AKAP6: variants seen among roughly 807,000 people sequenced by gnomAD.
The protein encoded by AKAP6 is A-kinase anchoring protein 6.
AKAP6 carries 58 observed loss-of-function variants against 188.5 expected under a neutral mutation model. The ratio of observed to expected loss-of-function variants is 0.31; its 90% CI spans 0.25 to 0.38. The LOEUF is 0.38. Among genes scored for constraint, AKAP6 ranks in the 10% least tolerant of loss-of-function variants. The pLI, the probability that AKAP6 is intolerant of heterozygous loss-of-function variation, is 1.00. For missense variants in AKAP6, 2,710 were observed against 2,740.0 expected (o/e 0.99, Z 0.24); for synonymous variants, 989 against 998.6 (o/e 0.99, Z 0.18).
intron 8 of AKAP6, among the ~76,000 whole-genome samples, chr14:32,692,271 A>G (rs951466414): frequency 2.0e-5 from 3 of 152,210 alleles, no homozygotes; most frequent in Non-Finnish European, 2.9e-5. Flanking sequence ...ATAGAAGGAA[A>G]CAGTTCAATA....
intron 12 of AKAP6, among the ~76,000 whole-genome samples, chr14:32,786,296 A>ATGGTTTTTTTTTTTTTTT: frequency 2.1e-5 from 2 of 93,704 alleles, no homozygotes; most frequent in African/African-American, 8.2e-5. Flanking sequence ...CTAAACCTTT[A>ATGGTTTTTTTTTTTTTTT]TCTTTTTTTT....
At position 32,765,728 on chromosome 14, in the gene AKAP6, A is replaced by C. The variant is rs921252780; in HGVS notation, c.3373-7950A>C. Among the ~76,000 whole-genome samples, 3 of 149,604 alleles carry C rather than the reference A, an allele frequency of 2.0e-5. No homozygotes were observed. The South Asian group carries it at 6.3e-4, about 31-fold the overall frequency. On this transcript the variant is annotated intron_variant, in intron 11 of 13. Transcript: ENST00000280979. ...TAACTTAAAAAAAAAAAAAAAACCT[A>C]CAAGTTTGCATTGGTAAATTAATCC...
intron 2 of AKAP6, among the ~76,000 whole-genome samples, chr14:32,530,084 C>T (rs1027417694): frequency 6.8e-5 from 10 of 148,010 alleles, no homozygotes; most frequent in South Asian, 2.1e-4. Context: ...TGGAGTACAG[C>T]GGTACGATCA....
At chr14:32,570,124 CTT>C (rs60851991) in intron 4 of AKAP6, among the ~76,000 whole-genome samples, 17 of 74,846 alleles carry the variant, frequency 2.3e-4, no homozygotes, top group African/African-American at 7.3e-4. Flanking sequence ...TGTGTGGGAA[CTT>C]TTTTTTTTTT....
intron 4 of AKAP6, among the ~76,000 whole-genome samples, chr14:32,576,850 C>T (rs1005335791): frequency 9.9e-5 from 15 of 152,100 alleles, no homozygotes; most frequent in Admixed American, 6.6e-4. Flanking sequence ...TACAGTGACA[C>T]CCCACAATCC....
chr14:32,723,480 T>C (rs975036423), intron 9 of AKAP6, among the ~76,000 whole-genome samples: 12 of 152,158 alleles, frequency 7.9e-5, no homozygotes, highest in African/African-American at 2.9e-4. Context: ...GTTTGATCTG[T>C]GTAGTGTTAA....
At chr14:32,764,675 A>T (rs752855844) in intron 11 of AKAP6, among the ~76,000 whole-genome samples, 3 of 146,040 alleles carry the variant, frequency 2.1e-5, no homozygotes, top group Non-Finnish European at 4.5e-5. Context: ...CTCGTTTGTC[A>T]AATAGATAGA....
intron 8 of AKAP6, among the ~76,000 whole-genome samples, chr14:32,691,624 C>T (rs1392715568): frequency 1.3e-5 from 2 of 151,902 alleles, no homozygotes; most frequent in African/African-American, 4.8e-5. Context: ...AATGCCATGA[C>T]CTCAGCTCAC....
At chr14:32,510,436 G>GTATATATATGTATATATATACATATATA (rs1555335161) in intron 2 of AKAP6, among the ~76,000 whole-genome samples, 2,406 of 30,172 alleles carry the variant, frequency 0.08, 89 homozygotes, top group Non-Finnish European at 0.13. Context: ...ATATATATAT[G>GTATATATATGTATATATATACATATATA]TGTATATATA....
chr14:32,679,000 G>C (rs1889559161), intron 8 of AKAP6, among the ~76,000 whole-genome samples: 1 of 152,108 alleles, frequency 6.6e-6, no homozygotes, highest in African/African-American at 2.4e-5. Flanking sequence ...CACCTTCAGT[G>C]ACCCATCAAC....
rs576058644 is a variant in AKAP6 at position 32,668,103 on chromosome 14, C to CATAA, written c.2731-10208_2731-10207insATAA. Among the ~76,000 whole-genome samples the CATAA allele has an allele frequency of 7.9e-5, 12 of 152,116 alleles. No homozygotes were observed. The South Asian group carries it at 2.5e-3, about 32-fold the overall frequency. On this transcript the variant is annotated intron_variant, in intron 7 of 13. Coordinates refer to ENST00000280979, the MANE Select transcript of AKAP6 (RefSeq NM_004274.5). Reference sequence around the variant, plus strand: ...TGCCATAGAATATAAACAGAGGATGCCTATGTCATTGTGCAGAGATTTGCT... The same window carrying CATAA: ...TGCCATAGAATATAAACAGAGGATGCATAACTATGTCATTGTGCAGAGATTTGCT...
In AKAP6 at chr14:32,372,575, T is replaced by TA. The variant is rs201614662; in HGVS notation, c.-35+43169dup. 5.4e-3 allele frequency among the ~76,000 whole-genome samples: 819 copies of TA among 151,628 alleles called. 4 individuals carry two copies. The highest frequency in any genetic ancestry group is 0.012 in the African/African-American group (504 of 41,376). On this transcript the variant is annotated intron_variant, in intron 1 of 13. Coordinates refer to ENST00000280979, the MANE Select transcript of AKAP6 (RefSeq NM_004274.5). Reference sequence around the variant, plus strand: ...TTCTTTAAGATCACTTTTTTTTTTTTAATTTTTGGAAGCTAGAGACAAAGT... The same window carrying TA: ...TTCTTTAAGATCACTTTTTTTTTTTTAAATTTTTGGAAGCTAGAGACAAAGT...
chr14:32,341,356 C>G (rs11849373), intron 1 of AKAP6, among the ~76,000 whole-genome samples: 1 of 151,982 alleles, frequency 6.6e-6, no homozygotes, highest in Admixed American at 6.6e-5. Context: ...TTAGGTCAAA[C>G]GGTATGGAAT....
intron 2 of AKAP6, among the ~76,000 whole-genome samples, chr14:32,513,912 T>C (rs1881384121): frequency 6.6e-6 from 1 of 152,258 alleles, no homozygotes; most frequent in South Asian, 2.1e-4. Flanking sequence ...CGATTAAATA[T>C]ATTTTACAAT....
chr14:32,481,105 TCTTA>T (rs1322950624), intron 2 of AKAP6, among the ~76,000 whole-genome samples: 1 of 152,206 alleles, frequency 6.6e-6, no homozygotes, highest in Non-Finnish European at 1.5e-5. Flanking sequence ...TAGCCAACTC[TCTTA>T]CTTTGTATAT....
chr14:32,348,408 C>CTTTTT lies in AKAP6; in HGVS notation c.-35+19004_-35+19005insTTTTT, dbSNP rs1235466012. ...TTGTCTGAATGGGGTTCTTTCTTTT[C>CTTTTT]TTTTGTTTCTTTTTTTTTTTTTTTT... On this transcript the variant is annotated intron_variant, in intron 1 of 13. Transcript: ENST00000280979. Among the ~76,000 whole-genome samples, 158 of 88,634 alleles carry CTTTTT rather than the reference C, an allele frequency of 1.8e-3. 4 individuals carry two copies. Among genetic ancestry groups the CTTTTT allele is most frequent in the Non-Finnish European group, 2.4e-3 (122 of 51,488 alleles). The allele number at this position is 88,634 out of a possible 152,430, so 58.1% of individuals were successfully genotyped here. A position where few individuals can be genotyped will look rare whatever the true frequency, so the allele number is the denominator to read the frequency against.
chr14:32,453,097 A>C (rs1890992274), intron 2 of AKAP6, among the ~76,000 whole-genome samples: 1 of 152,178 alleles, frequency 6.6e-6, no homozygotes, highest in East Asian at 1.9e-4. Context: ...TCAGAAACAT[A>C]ATTTATTATT....
intron 1 of AKAP6, among the ~76,000 whole-genome samples, chr14:32,393,922 A>G (rs1463403475): frequency 1.3e-5 from 2 of 152,170 alleles, no homozygotes; most frequent in Non-Finnish European, 2.9e-5. Flanking sequence ...AATTAGGGGT[A>G]GAAATTAAAT....
At chr14:32,637,517 T>C (rs34899865) in intron 7 of AKAP6, among the ~76,000 whole-genome samples, 1 of 152,048 alleles carries the variant, frequency 6.6e-6, no homozygotes, top group Non-Finnish European at 1.5e-5. Context: ...TTTATTTTTG[T>C]TTTTGTTTTG....
Sources: allele counts gnomAD v4.1 joint callset (sites outside exome capture counted in the v4.1 genomes callset), GRCh38; gene constraint gnomAD v4.1.1; transcripts MANE v1.5; gene names NCBI Gene and HGNC (gene_info 2026-07-23, HGNC 2026-07-21).